ZBTB20: variants seen among roughly 807,000 people sequenced by gnomAD.
The protein encoded by ZBTB20 is zinc finger and BTB domain-containing protein 20.
ZBTB20 carries 9 observed loss-of-function variants against 56.9 expected under a neutral mutation model. The observed-to-expected ratio is 0.16, with a 90% confidence interval of 0.10 to 0.28. The LOEUF (loss-of-function observed/expected upper bound fraction) is 0.28. Among genes scored for constraint, ZBTB20 ranks in the 10% least tolerant of loss-of-function variants. The pLI, the probability that ZBTB20 is intolerant of heterozygous loss-of-function variation, is 1.00. For synonymous variants in ZBTB20, 417 were observed against 420.7 expected, an observed-to-expected ratio of 0.99 and a Z score of 0.11; for missense variants, 655 against 1,003.0, an observed-to-expected ratio of 0.65 and a Z score of 4.69.
intron 2 of ZBTB20, among the ~76,000 whole-genome samples, chr3:114,991,956 C>T (rs1015972136): frequency 4.6e-5 from 7 of 151,702 alleles, no homozygotes; most frequent in African/African-American, 1.7e-4. Context: ...CCATTTGCTC[C>T]GTAGATCTTC....
chr3:114,758,827 C>T (rs572943548), intron 5 of ZBTB20: 81 of 152,248 alleles, frequency 5.3e-4, no homozygotes, highest in African/African-American at 1.9e-3. Context: ...AACAGTTATG[C>T]TTTTTCCCTT....
In ZBTB20 at chr3:114,980,914, T is replaced by G. The variant is rs531873886; in HGVS notation, c.-506-6498A>C. Among the ~76,000 whole-genome samples the G allele has an allele frequency of 2.0e-5, 3 of 152,080 alleles. No individual in the cohort carries two copies. The South Asian group carries it at 6.2e-4, about 31-fold the overall frequency. Reference sequence around the variant, plus strand: ...AAGGGTTCTAGGGGGAAAGGTGTTTTTGTTTTTAGATCATTTTAACTAAAA... The same window carrying G: ...AAGGGTTCTAGGGGGAAAGGTGTTTGTGTTTTTAGATCATTTTAACTAAAA... On this transcript the variant is annotated intron_variant, in intron 2 of 11. Transcript: ENST00000675478.
intron 2 of ZBTB20, among the ~76,000 whole-genome samples, chr3:115,029,868 GC>G: frequency 6.6e-6 from 1 of 150,812 alleles, no homozygotes. Flanking sequence ...AAAGGCAGAA[GC>G]CATAAAAAAT....
chr3:114,597,309 A>G (rs2056398482), intron 6 of ZBTB20, among the ~76,000 whole-genome samples: 1 of 152,178 alleles, frequency 6.6e-6, no homozygotes, highest in Non-Finnish European at 1.5e-5. Context: ...AGGAAAATAT[A>G]CGAGTCAGTT....
chr3:114,389,625 C>T (rs2085587665), intron 7 of ZBTB20, among the ~76,000 whole-genome samples: 1 of 151,988 alleles, frequency 6.6e-6, no homozygotes, highest in Non-Finnish European at 1.5e-5. Context: ...TGTGCTGGCT[C>T]ACACCTGTAA....
intron 6 of ZBTB20, among the ~76,000 whole-genome samples, chr3:114,550,766 T>G (rs1002373527): frequency 3.9e-5 from 6 of 152,218 alleles, no homozygotes; most frequent in African/African-American, 1.2e-4. Flanking sequence ...TTGTTTGTTT[T>G]TTGAGACAGG....
intron 4 of ZBTB20, among the ~76,000 whole-genome samples, chr3:114,835,317 T>G (rs2074062848): frequency 6.6e-6 from 1 of 152,116 alleles, no homozygotes. Flanking sequence ...AGAGCTTTTA[T>G]AGATTTGGAT....
intron 7 of ZBTB20, among the ~76,000 whole-genome samples, chr3:114,438,473 T>C (rs1196606734): frequency 1.3e-5 from 2 of 150,536 alleles, no homozygotes; most frequent in South Asian, 2.1e-4. Flanking sequence ...GAGACAGCTA[T>C]AGAGTTTCTG....
chr3:114,668,171 G>A (rs1456594230), intron 6 of ZBTB20, among the ~76,000 whole-genome samples: 2 of 151,982 alleles, frequency 1.3e-5, no homozygotes, highest in South Asian at 2.1e-4. Flanking sequence ...AATCCAGCCC[G>A]TCAGTTTCCC....
At chr3:114,899,098 A>C (rs2075005521) in intron 4 of ZBTB20, among the ~76,000 whole-genome samples, 1 of 152,148 alleles carries the variant, frequency 6.6e-6, no homozygotes, top group Non-Finnish European at 1.5e-5. Flanking sequence ...ATTTGTGAAA[A>C]AATACCAAGC....
chr3:115,048,876 AAAGG>A (rs1461037790), intron 2 of ZBTB20, among the ~76,000 whole-genome samples: 1 of 152,310 alleles, frequency 6.6e-6, no homozygotes, highest in East Asian at 1.9e-4. Context: ...TATCTAAAAA[AAAGG>A]ATTTATACCA....
At chr3:114,774,908 T>TA (rs1047549647) in intron 5 of ZBTB20, among the ~76,000 whole-genome samples, 22 of 150,958 alleles carry the variant, frequency 1.5e-4, no homozygotes, top group African/African-American at 3.9e-4. Flanking sequence ...TGTTAGTGAA[T>TA]AAAAAAAAAG....
chr3:114,632,780 T>C (rs1351847385), intron 6 of ZBTB20, among the ~76,000 whole-genome samples: 1 of 152,222 alleles, frequency 6.6e-6, no homozygotes, highest in Non-Finnish European at 1.5e-5. Flanking sequence ...CATGGGCTGA[T>C]AATCAGGTAA....
At chr3:115,146,827 G>C (rs1576848700) in intron 1 of ZBTB20, among the ~76,000 whole-genome samples, 2 of 152,150 alleles carry the variant, frequency 1.3e-5, no homozygotes, top group African/African-American at 4.8e-5. Flanking sequence ...AGCGGCTCCA[G>C]GCGCAGGGAG....
intron 4 of ZBTB20, among the ~76,000 whole-genome samples, chr3:114,850,967 G>A (rs1469188187): frequency 3.9e-5 from 6 of 152,284 alleles, no homozygotes; most frequent in Non-Finnish European, 7.4e-5. Context: ...GGCTGTAAAT[G>A]CTGCATATTT....
intron 3 of ZBTB20, among the ~76,000 whole-genome samples, chr3:114,957,986 A>T (rs1248229135): frequency 6.6e-6 from 1 of 152,166 alleles, no homozygotes; most frequent in African/African-American, 2.4e-5. Flanking sequence ...CACAACATAC[A>T]TTGCTATTAA....
chr3:115,056,435 G>C (rs560171776), intron 2 of ZBTB20, among the ~76,000 whole-genome samples: 1 of 152,076 alleles, frequency 6.6e-6, no homozygotes, highest in South Asian at 2.1e-4. Flanking sequence ...ACCTGGCAAT[G>C]ATTTTATCCT....
intron 5 of ZBTB20, among the ~76,000 whole-genome samples, chr3:114,729,810 A>AT (rs1316519551): frequency 1.6e-4 from 24 of 148,670 alleles, no homozygotes; most frequent in East Asian, 5.9e-4. Flanking sequence ...TTTTCTTTTA[A>AT]TTTTTTTTTT....
rs1248753353 is a variant in ZBTB20, at chr3:114,328,647, C to A, written c.*10358G>T. ...CAAAAGAATATTGATAACTTTTAAA[C>A]TCTGAAGCTAAAATGAAGACATGCT... On this transcript the variant is annotated 3_prime_UTR_variant, in exon 12 of 12. Coordinates refer to ENST00000675478, the MANE Select transcript of ZBTB20 (RefSeq NM_001348800.3). The A allele has an allele frequency of 6.6e-6, 1 of 152,190 alleles. No homozygotes were observed. The highest frequency in any genetic ancestry group is 1.9e-4 in the East Asian group (1 of 5,204). 9.4% of individuals were successfully genotyped at this position (152,190 alleles called of 1,614,324 possible).
Sources: gnomAD v4.1 joint callset for allele counts (sites outside exome capture counted in the v4.1 genomes callset) on GRCh38, gnomAD v4.1.1 for gene constraint, MANE v1.5 for transcripts, NCBI Gene and HGNC (gene_info 2026-07-23, HGNC 2026-07-21) for gene names.